Variants in MFSD11 observed in about 807,000 individuals in gnomAD.
MFSD11 encodes the protein UNC93-like protein MFSD11.
Under a neutral mutation model 53.5 loss-of-function variants are expected in MFSD11, and 36 were observed. The ratio of observed to expected loss-of-function variants is 0.67; its 90% CI spans 0.52 to 0.89. MFSD11 has a LOEUF of 0.89. Among genes scored for constraint, MFSD11 ranks in the 40% least tolerant of loss-of-function variants. The probability of loss-of-function intolerance (pLI) is 0.00; values close to 1 mark genes in which losing one functional copy is unlikely to be tolerated. For synonymous variants in MFSD11, 186 were observed against 184.9 expected (o/e 1.01, Z -0.05); for missense variants, 530 against 543.9 (o/e 0.97, Z 0.25).
chr17:76,783,173 G>T (rs1248174913), downstream of MFSD11, among the ~76,000 whole-genome samples: 2 of 149,864 alleles, frequency 1.3e-5, no homozygotes, highest in African/African-American at 5.0e-5. Context: ...AAAAAGAAAT[G>T]TGACAATGAA....
chr17:76,743,762 C>A lies in MFSD11; in HGVS notation c.496+306C>A, dbSNP rs143812564. On this transcript the variant is annotated intron_variant, in intron 6 of 12. Coordinates refer to ENST00000685175, the MANE Select transcript of MFSD11 (RefSeq NM_001242532.5). Reference sequence around the variant, plus strand: ...CTCCCAAGTAGCTGGGATTACAGGCCTGCACCACCACGCCCAGCTAATTTT... The same window carrying A: ...CTCCCAAGTAGCTGGGATTACAGGCATGCACCACCACGCCCAGCTAATTTT... Among the ~76,000 whole-genome samples, 500 of 152,144 alleles carry A rather than the reference C, an allele frequency of 3.3e-3. 5 individuals carry two copies. Among genetic ancestry groups the A allele is most frequent in the African/African-American group, 0.011 (472 of 41,524 alleles).
chr17:76,740,869 A>G (rs1310557777), intron 2 of MFSD11, 88 bp from the exon 3 acceptor site: 54 of 762,680 alleles, frequency 7.1e-5, no homozygotes, highest in East Asian at 2.5e-5. Flanking sequence ...TGTAAAATCT[A>G]TAAACAAATG....
chr17:76,787,716 G>T, the MFSD11 span, among the ~76,000 whole-genome samples: 1 of 149,542 alleles, frequency 6.7e-6, no homozygotes, highest in African/African-American at 2.5e-5. Context: ...CAAACTGACT[G>T]AACAGACCCC....
the MFSD11 span, among the ~76,000 whole-genome samples, chr17:76,802,207 G>A: frequency 1.2e-4 from 18 of 152,132 alleles, no homozygotes; most frequent in African/African-American, 3.9e-4. Flanking sequence ...GGAGGCAGAA[G>A]TTGCAGTGAG....
chr17:76,738,267 C>T lies in MFSD11; in HGVS notation c.-86C>T, dbSNP rs1331073803. The stretch of plus-strand genomic sequence containing the variant: ...CATCTGCCTTCTCCACTCACCATCT[C>T]ATTTCTTTCTCCAGGATTGTCAGTG... On this transcript the variant is annotated 5_prime_UTR_variant, in exon 1 of 13. Transcript: ENST00000685175. 1 of 853,018 alleles carries T rather than the reference C, an allele frequency of 1.2e-6. No individual in the cohort carries two copies. 52.8% of individuals were successfully genotyped at this position (853,018 alleles called of 1,614,324 possible). A position where few individuals can be genotyped will look rare whatever the true frequency, so the allele number is the denominator to read the frequency against.
upstream of MFSD11, chr17:76,737,912 G>A (rs1321529861): frequency 1.1e-5 from 2 of 183,758 alleles, no homozygotes; most frequent in Non-Finnish European, 2.2e-5. Flanking sequence ...GCGCTTGCGC[G>A]TGCCAGGCCA....
In MFSD11 at chr17:76,759,271, T is replaced by C. The variant is rs2079954871; in HGVS notation, c.682+5184T>C. Among the ~76,000 whole-genome samples the C allele has an allele frequency of 3.3e-5, 5 of 151,510 alleles. No homozygotes were observed. In the South Asian group the frequency reaches 1.0e-3, roughly 32 times the overall value. On this transcript the variant is annotated intron_variant, in intron 8 of 12. Transcript: ENST00000685175. Reference sequence around the variant, plus strand: ...CTTGTCCCAAAAAAATAAAATACAATAAAATATATTTCTTTTTCTTTTTTT... The same window carrying C: ...CTTGTCCCAAAAAAATAAAATACAACAAAATATATTTCTTTTTCTTTTTTT...
Position 76,739,005 on chromosome 17 carries a change from T to C in MFSD11, c.152+12T>C. ...AGTGGATATACCAGGTATTGTACCG[T>C]ATGATTGATTTTGCTTTATATTTGA... On this transcript the variant is annotated intron_variant, in intron 2 of 12. Coordinates refer to ENST00000685175, the MANE Select transcript of MFSD11 (RefSeq NM_001242532.5). The C allele has an allele frequency of 6.2e-7, 1 of 1,608,240 alleles. No individual in the cohort carries two copies. Among genetic ancestry groups the C allele is most frequent in the East Asian group, 2.2e-5 (1 of 44,836 alleles).
At chr17:76,773,875 G>A (rs2081585015) in intron 10 of MFSD11, among the ~76,000 whole-genome samples, 1 of 151,854 alleles carries the variant, frequency 6.6e-6, no homozygotes, top group Non-Finnish European at 1.5e-5. Flanking sequence ...CAAAGTGCTG[G>A]GATTACAGGC....
intron 10 of MFSD11, among the ~76,000 whole-genome samples, 177 bp downstream of exon 10, chr17:76,770,048 T>C (rs1448027288): frequency 1.4e-5 from 2 of 145,822 alleles, no homozygotes; most frequent in African/African-American, 2.5e-5. Flanking sequence ...TTTTTTTTTT[T>C]CCAGACAGAG....
chr17:76,786,975 C>T, the MFSD11 span, among the ~76,000 whole-genome samples: 8 of 151,998 alleles, frequency 5.3e-5, no homozygotes, highest in East Asian at 5.8e-4. Context: ...CCACCATGCC[C>T]GGCTAATTTT....
chr17:76,794,550 G>T, the MFSD11 span, among the ~76,000 whole-genome samples: 38 of 142,966 alleles, frequency 2.7e-4, no homozygotes, highest in East Asian at 6.7e-3. Flanking sequence ...GCTGAGGCAG[G>T]AGAATCACTT....
In MFSD11 at chr17:76,779,254, C is replaced by CAAAAAAAAAA. The variant is rs943666105; in HGVS notation, c.*913_*922dup. On this transcript the variant is annotated 3_prime_UTR_variant, in exon 13 of 13. Transcript: ENST00000685175. Reference sequence around the variant, plus strand: ...GGATGACAAGAGTGAAACTCCATCTCAAAAAAAAAAAAAAAAAAAAGAAAA... The same window carrying CAAAAAAAAAA: ...GGATGACAAGAGTGAAACTCCATCTCAAAAAAAAAAAAAAAAAAAAAAAAAAAAAAGAAAA... 8.2e-5 allele frequency: 4 copies of CAAAAAAAAAA among 48,846 alleles called. No individual in the cohort carries two copies. Among genetic ancestry groups the CAAAAAAAAAA allele is most frequent in the Non-Finnish European group, 1.3e-4 (3 of 22,914 alleles). The allele number at this position is 48,846 out of a possible 1,614,324, so 3.0% of individuals were successfully genotyped here.
At chr17:76,794,625 G>C in the MFSD11 span, among the ~76,000 whole-genome samples, 1 of 102,086 alleles carries the variant, frequency 9.8e-6, no homozygotes, top group African/African-American at 3.9e-5. Context: ...CTTGGCGACA[G>C]AGCAAAACTC....
At chr17:76,759,065 G>A (rs1255928470) in intron 8 of MFSD11, among the ~76,000 whole-genome samples, 1 of 152,036 alleles carries the variant, frequency 6.6e-6, no homozygotes, top group African/African-American at 2.4e-5. Context: ...AAGCAACATA[G>A]TGAGACCTTA....
chr17:76,779,770 C>T (rs1300621518), downstream of MFSD11, among the ~76,000 whole-genome samples: 1 of 152,168 alleles, frequency 6.6e-6, no homozygotes, highest in Non-Finnish European at 1.5e-5. Flanking sequence ...CAGGGGTGAG[C>T]CACCATGCCC....
intron 8 of MFSD11, among the ~76,000 whole-genome samples, chr17:76,762,503 A>G (rs1332373610): frequency 6.6e-6 from 1 of 152,122 alleles, no homozygotes; most frequent in Non-Finnish European, 1.5e-5. Context: ...CGTCTCTACT[A>G]AAAATACAAA....
the MFSD11 span, among the ~76,000 whole-genome samples, chr17:76,791,184 A>G: frequency 4.0e-5 from 6 of 148,610 alleles, no homozygotes; most frequent in African/African-American, 7.5e-5. Context: ...GGAAGTTTTG[A>G]TGTTCTTATC....
intron 8 of MFSD11, among the ~76,000 whole-genome samples, chr17:76,765,869 T>C (rs1354564710): frequency 1.3e-5 from 2 of 151,828 alleles, no homozygotes; most frequent in African/African-American, 4.8e-5. Context: ...AGAGTTCCCA[T>C]GTGGCCCCTA....
Sources: gnomAD v4.1 joint callset for allele counts (sites outside exome capture counted in the v4.1 genomes callset) on GRCh38, gnomAD v4.1.1 for gene constraint, MANE v1.5 for transcripts, NCBI Gene and HGNC (gene_info 2026-07-23, HGNC 2026-07-21) for gene names.